ANKRD11: variants seen among roughly 807,000 people sequenced by gnomAD.
ANKRD11 encodes the protein ankyrin repeat domain-containing protein 11.
In ANKRD11, 17 loss-of-function variants were observed where a neutral mutation model predicts 195.7. That is an observed-to-expected ratio of 0.09 (90% CI 0.06 to 0.13). The LOEUF is 0.13. ANKRD11 is among the 10% of genes least tolerant of loss of function. The pLI is 1.00. For synonymous variants in ANKRD11, 1,953 were observed against 1,528.1 expected, an observed-to-expected ratio of 1.28 and a Z score of -6.49; for missense variants, 3,735 against 3,566.1, an observed-to-expected ratio of 1.05 and a Z score of -1.21.
Position 89,367,387 on chromosome 16 carries a change from G to A in ANKRD11, c.-59-50309C>T, listed in dbSNP as rs565739125. On this transcript the variant is annotated intron_variant, in intron 2 of 12. Transcript: ENST00000301030. ...CCCACCACTGCTTCCACTGGGGAAA[G>A]GCCGGGGATGCTCAACGCAACCTTA... Among the ~76,000 whole-genome samples the A allele has an allele frequency of 7.2e-5, 11 of 152,336 alleles. No individual in the cohort carries two copies. In the South Asian group the frequency reaches 2.3e-3, roughly 32 times the overall value.
intron 2 of ANKRD11, among the ~76,000 whole-genome samples, chr16:89,394,549 A>C (rs574578873): frequency 6.6e-6 from 1 of 151,286 alleles, no homozygotes; most frequent in East Asian, 1.9e-4. Context: ...AATCGCTTGA[A>C]CCCAGGAGGC....
At chr16:89,437,213 T>G (rs1004473378) in intron 1 of ANKRD11, among the ~76,000 whole-genome samples, 1 of 152,316 alleles carries the variant, frequency 6.6e-6, no homozygotes, top group African/African-American at 2.4e-5. Flanking sequence ...CGTCCACTTA[T>G]GAAGAGGGCC....
intron 2 of ANKRD11, among the ~76,000 whole-genome samples, chr16:89,333,630 G>C (rs2038183180): frequency 6.6e-6 from 1 of 152,186 alleles, no homozygotes; most frequent in African/African-American, 2.4e-5. Context: ...GTAGTCCTTG[G>C]AGACGGGCTG....
chr16:89,441,743 G>A (rs1438180739), intron 1 of ANKRD11, among the ~76,000 whole-genome samples: 2 of 123,474 alleles, frequency 1.6e-5, no homozygotes, highest in African/African-American at 3.2e-5. Context: ...CTCCAGCCTG[G>A]GCAACAGAGC....
chr16:89,486,212 G>T (rs1304602856), intron 1 of ANKRD11, among the ~76,000 whole-genome samples: 1 of 152,014 alleles, frequency 6.6e-6, no homozygotes, highest in Non-Finnish European at 1.5e-5. Flanking sequence ...AACACTTTAG[G>T]AGACTGAGGT....
At chr16:89,405,197 A>T (rs1241771413) in intron 2 of ANKRD11, among the ~76,000 whole-genome samples, 1 of 152,162 alleles carries the variant, frequency 6.6e-6, no homozygotes, top group Non-Finnish European at 1.5e-5. Context: ...CCATCTCAAA[A>T]AAATAAATAA....
chr16:89,309,204 C>T (rs960202301), intron 3 of ANKRD11, among the ~76,000 whole-genome samples: 2 of 152,132 alleles, frequency 1.3e-5, no homozygotes, highest in Non-Finnish European at 2.9e-5. Context: ...ACTGGCTCAT[C>T]GACAGAAGAG....
chr16:89,425,082 A>T (rs1044264124), intron 1 of ANKRD11, among the ~76,000 whole-genome samples: 30 of 136,176 alleles, frequency 2.2e-4, no homozygotes, highest in African/African-American at 6.5e-4. Context: ...CAAACTATTT[A>T]AAAAAAAAAA....
At chr16:89,306,789 A>C (rs1339829217) in intron 3 of ANKRD11, among the ~76,000 whole-genome samples, 8 of 9,764 alleles carry the variant, frequency 8.2e-4, no homozygotes, top group South Asian at 4.3e-3. Context: ...CGCGCCACCT[A>C]CCTCCCACTC....
At chr16:89,316,152 G>C (rs903469541) in intron 3 of ANKRD11, among the ~76,000 whole-genome samples, 6 of 152,158 alleles carry the variant, frequency 3.9e-5, no homozygotes, top group African/African-American at 1.4e-4. Context: ...TGCACAGCAA[G>C]GCCCTGCCTC....
At chr16:89,289,704 G>A (rs548375399) in intron 6 of ANKRD11, among the ~76,000 whole-genome samples, 1 of 152,210 alleles carries the variant, frequency 6.6e-6, no homozygotes, top group African/African-American at 2.4e-5. Context: ...CCTGGAGTGA[G>A]GTTTATGGAA....
chr16:89,337,007 CAAAAAA>C (rs60248736), intron 2 of ANKRD11, among the ~76,000 whole-genome samples: 40 of 47,730 alleles, frequency 8.4e-4, no homozygotes, highest in Non-Finnish European at 3.7e-4. Context: ...CTGGCTCTAC[CAAAAAA>C]AAAAAAAAAA....
chr16:89,360,956 A>C, intron 2 of ANKRD11, among the ~76,000 whole-genome samples: 1 of 152,130 alleles, frequency 6.6e-6, no homozygotes, highest in East Asian at 1.9e-4. Context: ...ACTGCTCTGC[A>C]TCAGGTGAGA....
intron 3 of ANKRD11, among the ~76,000 whole-genome samples, chr16:89,310,257 C>T (rs1470683072): frequency 6.6e-6 from 1 of 152,166 alleles, no homozygotes. Context: ...ATGTGGCATG[C>T]AGGGTCTGCC....
chr16:89,400,783 G>T lies in ANKRD11; in HGVS notation c.-60+17501C>A, dbSNP rs532074017. Among the ~76,000 whole-genome samples, 305 of 145,682 alleles carry T rather than the reference G, an allele frequency of 2.1e-3. 1 individual carries two copies. The highest frequency in any genetic ancestry group is 3.8e-3 in the Non-Finnish European group (248 of 65,934). ...CATCTGCTGCCCCAGGCTTCCCTGC[G>T]CTGGGGGCCGGTCATCTGCTGCCCC... On this transcript the variant is annotated intron_variant, in intron 2 of 12. Coordinates refer to ENST00000301030, the MANE Select transcript of ANKRD11 (RefSeq NM_013275.6).
At chr16:89,288,816 C>T (rs1040568305) in intron 6 of ANKRD11, 146 bp from the exon 7 acceptor site, 8 of 1,101,810 alleles carry the variant, frequency 7.3e-6, no homozygotes, top group Middle Eastern at 4.7e-4. Flanking sequence ...TTTAGGGAAG[C>T]AGGTGCTGGC....
chr16:89,444,573 C>T (rs2043695120), intron 1 of ANKRD11, among the ~76,000 whole-genome samples: 1 of 152,086 alleles, frequency 6.6e-6, no homozygotes, highest in Non-Finnish European at 1.5e-5. Context: ...AAACTTTGCC[C>T]ACTGTTTCTT....
rs1418473496 is a variant in ANKRD11, at chr16:89,427,360, T to G, written c.-144-8992A>C. Among the ~76,000 whole-genome samples, 3 of 152,198 alleles carry G rather than the reference T, an allele frequency of 2.0e-5. No homozygotes were observed. The East Asian group carries it at 5.8e-4, about 29-fold the overall frequency. ...CCCCCAGGGTGACCTGATGATTCAG[T>G]GCAGTAACTATCAGAATTCCAACGG... On this transcript the variant is annotated intron_variant, in intron 1 of 12. Coordinates refer to ENST00000301030, the MANE Select transcript of ANKRD11 (RefSeq NM_013275.6).
At chr16:89,304,584 G>A (rs1229995522) in intron 4 of ANKRD11, among the ~76,000 whole-genome samples, 1 of 145,346 alleles carries the variant, frequency 6.9e-6, no homozygotes, top group African/African-American at 2.6e-5. Flanking sequence ...GTACATACAA[G>A]TACATACACA....
Sources: allele counts gnomAD v4.1 joint callset (sites outside exome capture counted in the v4.1 genomes callset), GRCh38; gene constraint gnomAD v4.1.1; transcripts MANE v1.5; gene names NCBI Gene and HGNC (gene_info 2026-07-23, HGNC 2026-07-21).